The following LEMD3 variants were observed in gnomAD, a reference collection of about 807,000 sequenced individuals.
The protein encoded by LEMD3 is LEM domain containing 3, also known as inner nuclear membrane protein Man1.
In LEMD3, 33 loss-of-function variants were observed where a neutral mutation model predicts 95.2. The ratio of observed to expected loss-of-function variants is 0.35; its 90% CI spans 0.26 to 0.46. LEMD3 has a LOEUF of 0.46. Among genes scored for constraint, LEMD3 ranks in the 20% least tolerant of loss-of-function variants. LEMD3 has a pLI of 1.00. For synonymous variants in LEMD3, 525 were observed against 474.6 expected, an observed-to-expected ratio of 1.11 and a Z score of -1.38; for missense variants, 1,210 against 1,192.8, an observed-to-expected ratio of 1.01 and a Z score of -0.21.
chr12:65,215,289 G>GTTCCCTCC (rs1380346806), intron 2 of LEMD3, among the ~76,000 whole-genome samples: 10 of 152,004 alleles, frequency 6.6e-5, no homozygotes, highest in Non-Finnish European at 1.5e-5. Flanking sequence ...CATAAATTCT[G>GTTCCCTCC]TTCCCTCCTT....
intron 1 of LEMD3, among the ~76,000 whole-genome samples, chr12:65,205,736 C>A (rs1040868104): frequency 1.3e-5 from 2 of 151,904 alleles, no homozygotes; most frequent in South Asian, 4.2e-4. Context: ...GTTTGTATCT[C>A]GAAATTCAGA....
At chr12:65,174,911 G>A (rs1422053438) in intron 1 of LEMD3, among the ~76,000 whole-genome samples, 1 of 152,156 alleles carries the variant, frequency 6.6e-6, no homozygotes, top group Non-Finnish European at 1.5e-5. Context: ...ATTACATAAA[G>A]GTAGGCAGAC....
chr12:65,187,176 T>G lies in LEMD3; in HGVS notation c.1522+16058T>G, dbSNP rs1039518741. On this transcript the variant is annotated intron_variant, in intron 1 of 12. Coordinates refer to ENST00000308330, the MANE Select transcript of LEMD3 (RefSeq NM_014319.5). ...GGGTTTTAGAAGCCATTAGCTACTT[T>G]AGGCAATATTAGCTACTTTAGCTAC... Among the ~76,000 whole-genome samples, 4 of 152,144 alleles carry G rather than the reference T, an allele frequency of 2.6e-5. No homozygotes were observed. The East Asian group carries it at 7.7e-4, about 29-fold the overall frequency.
At chr12:65,240,537 G>A (rs982251859) in intron 8 of LEMD3, 1 of 425,060 alleles carries the variant, frequency 2.4e-6, no homozygotes. Context: ...ATAGATGACA[G>A]CCAGTGGCTG....
intron 2 of LEMD3, among the ~76,000 whole-genome samples, chr12:65,214,798 A>G (rs2136338386): frequency 6.6e-6 from 1 of 152,322 alleles, no homozygotes; most frequent in East Asian, 1.9e-4. Flanking sequence ...TATTTTAGGT[A>G]GTGCAATAAG....
rs1870833873 is a variant in LEMD3 at position 65,238,383 on chromosome 12, G to T, written c.1696-119G>T. 5 of 667,666 alleles carry T rather than the reference G, an allele frequency of 7.5e-6. No individual in the cohort carries two copies. The Admixed American group carries it at 1.2e-4, about 15-fold the overall frequency. The allele number at this position is 667,666 out of a possible 1,614,324, so 41.4% of individuals were successfully genotyped here. ...CATTCTTTTTAAAATTTTCTGTAAT[G>T]AATATTTTATGTTATGTAGTTAAAA... is the stretch of plus-strand genomic sequence containing the variant. On this transcript the variant is annotated intron_variant, in intron 4 of 12. Transcript: ENST00000308330.
At chr12:65,231,894 A>G (rs983500039) in intron 4 of LEMD3, among the ~76,000 whole-genome samples, 2 of 151,866 alleles carry the variant, frequency 1.3e-5, no homozygotes, top group Admixed American at 1.3e-4. Context: ...TATTGTGTGT[A>G]TTTCAAAAAC....
chr12:65,226,650 G>C lies in LEMD3; in HGVS notation c.1695+8031G>C, dbSNP rs1460985899. Among the ~76,000 whole-genome samples the C allele has an allele frequency of 2.0e-5, 3 of 152,160 alleles. No homozygotes were observed. The East Asian group carries it at 5.8e-4, about 29-fold the overall frequency. ...TATGTAGGTACCAAAAAGATCCTAA[G>C]ACAGTATAATAAGGAGATTATATCT... On this transcript the variant is annotated intron_variant, in intron 4 of 12. Transcript: ENST00000308330.
Position 65,169,827 on chromosome 12 carries a change from A to AGCCGCGGGACCAGCGGCGGCGGCG in LEMD3, c.240_263dup (p.Pro81_Gly88dup). On this transcript the variant is annotated inframe_insertion, in exon 1 of 13. Transcript: ENST00000308330. ...ATAACACGGCAGCCGCCACGGTCGC[A>AGCCGCGGGACCAGCGGCGGCGGCG]GCCGCGGGACCAGCGGCGGCGGCGG... The AGCCGCGGGACCAGCGGCGGCGGCG allele has an allele frequency of 1.3e-6, 2 of 1,483,564 alleles. No individual in the cohort carries two copies. Among genetic ancestry groups the AGCCGCGGGACCAGCGGCGGCGGCG allele is most frequent in the South Asian group, 1.3e-5 (1 of 74,686 alleles). 91.9% of individuals were successfully genotyped at this position (1,483,564 alleles called of 1,614,324 possible).
chr12:65,238,378 G>T, intron 4 of LEMD3, 124 bp from the exon 5 acceptor site: 5 of 651,466 alleles, frequency 7.7e-6, no homozygotes, highest in East Asian at 2.8e-5. Context: ...AAAATTTTCT[G>T]TAATGAATAT....
intron 1 of LEMD3, among the ~76,000 whole-genome samples, chr12:65,195,325 A>G (rs1201927384): frequency 6.6e-6 from 1 of 152,154 alleles, no homozygotes; most frequent in Admixed American, 6.6e-5. Flanking sequence ...ATAGGCAGAT[A>G]TAAACATCAT....
At chr12:65,199,545 T>C (rs1869530878) in intron 1 of LEMD3, among the ~76,000 whole-genome samples, 1 of 152,110 alleles carries the variant, frequency 6.6e-6, no homozygotes, top group African/African-American at 2.4e-5. Flanking sequence ...TAAAATCTTA[T>C]TTCTAATGTA....
intron 1 of LEMD3, among the ~76,000 whole-genome samples, chr12:65,202,045 C>A (rs1024970039): frequency 1.0e-4 from 10 of 98,626 alleles, no homozygotes; most frequent in East Asian, 2.8e-4. Flanking sequence ...GAATTTTGTT[C>A]TTGTTGCCCA....
intron 1 of LEMD3, among the ~76,000 whole-genome samples, chr12:65,175,407 C>T (rs544566278): frequency 1.3e-5 from 2 of 152,278 alleles, no homozygotes; most frequent in South Asian, 4.1e-4. Context: ...CTCAAACTTT[C>T]TGCCTCTATT....
intron 4 of LEMD3, among the ~76,000 whole-genome samples, chr12:65,235,419 T>G (rs1360739296): frequency 6.6e-6 from 1 of 152,164 alleles, no homozygotes; most frequent in East Asian, 1.9e-4. Flanking sequence ...GCTACTCATA[T>G]GAGTACATAT....
intron 3 of LEMD3, among the ~76,000 whole-genome samples, chr12:65,216,875 AT>A (rs1329940952): frequency 6.6e-6 from 1 of 152,062 alleles, no homozygotes; most frequent in Admixed American, 6.6e-5. Flanking sequence ...ATTCTGGTCA[AT>A]TTTTTAAGCT....
At chr12:65,216,876 T>A (rs962872073) in intron 3 of LEMD3, among the ~76,000 whole-genome samples, 1 of 152,152 alleles carries the variant, frequency 6.6e-6, no homozygotes, top group African/African-American at 2.4e-5. Context: ...TTCTGGTCAA[T>A]TTTTTAAGCT....
At chr12:65,198,639 A>G (rs1362938048) in intron 1 of LEMD3, among the ~76,000 whole-genome samples, 1 of 152,102 alleles carries the variant, frequency 6.6e-6, no homozygotes, top group Middle Eastern at 3.2e-3. Context: ...ACTAAAATCC[A>G]CAGATGCTCA....
intron 1 of LEMD3, among the ~76,000 whole-genome samples, chr12:65,177,212 T>C (rs1240504484): frequency 6.6e-6 from 1 of 152,178 alleles, no homozygotes; most frequent in Non-Finnish European, 1.5e-5. Context: ...CATGATCGAA[T>C]TGGTCCTTTA....
Sources: gnomAD v4.1 joint callset for allele counts (sites outside exome capture counted in the v4.1 genomes callset) on GRCh38, gnomAD v4.1.1 for gene constraint, MANE v1.5 for transcripts, NCBI Gene and HGNC (gene_info 2026-07-23, HGNC 2026-07-21) for gene names.